NEK10: variants seen among roughly 807,000 people sequenced by gnomAD.
NEK10 encodes the protein NIMA related kinase 10.
A neutral mutation model predicts 159.8 loss-of-function variants in NEK10; 122 were observed. The ratio of observed to expected loss-of-function variants is 0.76; its 90% CI spans 0.66 to 0.89. The LOEUF (loss-of-function observed/expected upper bound fraction) is 0.89. NEK10 is among the 40% of genes least tolerant of loss of function. NEK10 has a pLI of 0.00. For synonymous variants in NEK10, 466 were observed against 457.1 expected, an observed-to-expected ratio of 1.02 and a Z score of -0.25; for missense variants, 1,342 against 1,323.1, an observed-to-expected ratio of 1.01 and a Z score of -0.22.
chr3:27,156,292 T>C (rs1945409383), intron 30 of NEK10, among the ~76,000 whole-genome samples: 2 of 151,970 alleles, frequency 1.3e-5, no homozygotes, highest in Admixed American at 6.6e-5. Context: ...AAAACAAAGA[T>C]AAATAGCAGG....
intron 26 of NEK10, among the ~76,000 whole-genome samples, chr3:27,180,727 T>C (rs1948002812): frequency 2.6e-5 from 4 of 152,152 alleles, no homozygotes; most frequent in African/African-American, 7.2e-5. Context: ...AACTGATTAA[T>C]TGCCAGTAGA....
At chr3:27,283,182 C>T (rs1004446466) in intron 22 of NEK10, among the ~76,000 whole-genome samples, 2 of 152,014 alleles carry the variant, frequency 1.3e-5, no homozygotes, top group Admixed American at 6.6e-5. Flanking sequence ...TTTGGAATTG[C>T]CTTCATGGGT....
chr3:27,186,005 G>A (rs570709195), intron 26 of NEK10, among the ~76,000 whole-genome samples: 1 of 152,322 alleles, frequency 6.6e-6, no homozygotes, highest in South Asian at 2.1e-4. Context: ...GTGAATTGAA[G>A]ATGTCAAGGT....
intron 30 of NEK10, among the ~76,000 whole-genome samples, chr3:27,147,952 TA>T (rs1944465048): frequency 6.6e-6 from 1 of 152,234 alleles, no homozygotes; most frequent in Non-Finnish European, 1.5e-5. Context: ...ATGCATTGAA[TA>T]AAACTCAGAC....
At chr3:27,189,277 T>C (rs1373030181) in intron 26 of NEK10, among the ~76,000 whole-genome samples, 1 of 152,080 alleles carries the variant, frequency 6.6e-6, no homozygotes, top group Admixed American at 6.6e-5. Flanking sequence ...CTATAAAAAT[T>C]GCCATAATTA....
Position 27,201,525 on chromosome 3 carries a change from G to T in NEK10, c.2276C>A (p.Thr759Lys), listed in dbSNP as rs1377391273. 9.3e-6 allele frequency: 15 copies of T among 1,613,756 alleles called. No individual in the cohort carries two copies. The highest frequency in any genetic ancestry group is 1.3e-5 in the Non-Finnish European group (15 of 1,179,852). Reference sequence around the variant, plus strand: ...GACTAATTACCTGCTGATGGTGTCTGTTACTTTTTCAGAGTAGATACCTTC... The same window carrying T: ...GACTAATTACCTGCTGATGGTGTCTTTTACTTTTTCAGAGTAGATACCTTC... The part of the protein sequence containing the change: ...VPEGIYSEKV[T>K]DTISRCLTPD... Residue 759 changes from threonine to lysine, a missense_variant, in exon 25 of 36, where the codon ACA (threonine) becomes AAA (lysine). By Grantham distance (78) the Thr-to-Lys change is moderately conservative (BLOSUM62 -1). Coordinates refer to ENST00000691995, the MANE Select transcript of NEK10 (RefSeq NM_001394966.1).
intron 30 of NEK10, among the ~76,000 whole-genome samples, chr3:27,155,853 A>G (rs13079261): frequency 0.05 from 7,612 of 152,248 alleles, 233 homozygotes; most frequent in Non-Finnish European, 0.06. Context: ...AGCAAAAAGA[A>G]CAAATCTGGA....
At chr3:27,359,201 C>A (rs60409970) in intron 1 of NEK10, among the ~76,000 whole-genome samples, 851 of 134,750 alleles carry the variant, frequency 6.3e-3, no homozygotes, top group Middle Eastern at 8.0e-3. Flanking sequence ...AACTCCATTT[C>A]AAAAAAAAAA....
chr3:27,328,715 G>T (rs553817100), intron 5 of NEK10, among the ~76,000 whole-genome samples: 14 of 152,170 alleles, frequency 9.2e-5, no homozygotes, highest in African/African-American at 3.4e-4. Flanking sequence ...AGGAGATCTT[G>T]AAAAAATCCT....
At chr3:27,308,838 T>C (rs2044449610) in intron 10 of NEK10, 88 bp downstream of exon 10, 5 of 561,884 alleles carry the variant, frequency 8.9e-6, no homozygotes, top group African/African-American at 1.9e-5. Context: ...TATTAAGTAG[T>C]TGACAAAGTA....
intron 23 of NEK10, among the ~76,000 whole-genome samples, chr3:27,227,698 C>G (rs1952779891): frequency 6.6e-6 from 1 of 152,166 alleles, no homozygotes; most frequent in African/African-American, 2.4e-5. Context: ...GTAAATATCA[C>G]TAAGTAGGTG....
chr3:27,161,526 T>C (rs1946010990), intron 30 of NEK10, among the ~76,000 whole-genome samples: 1 of 152,180 alleles, frequency 6.6e-6, no homozygotes, highest in Non-Finnish European at 1.5e-5. Flanking sequence ...AATTAACCAA[T>C]AGTAAAGTAG....
intron 1 of NEK10, among the ~76,000 whole-genome samples, chr3:27,356,940 T>TG (rs1186309985): frequency 6.6e-6 from 1 of 152,200 alleles, no homozygotes; most frequent in African/African-American, 2.4e-5. Flanking sequence ...CATGACACAG[T>TG]GTAAGCATGG....
chr3:27,196,285 C>G (rs1428916730), intron 25 of NEK10, among the ~76,000 whole-genome samples: 1 of 152,162 alleles, frequency 6.6e-6, no homozygotes, highest in Non-Finnish European at 1.5e-5. Flanking sequence ...ACACAGACCC[C>G]CTTAGAGTTG....
At chr3:27,209,225 A>T (rs1311389919) in intron 23 of NEK10, among the ~76,000 whole-genome samples, 1 of 152,230 alleles carries the variant, frequency 6.6e-6, no homozygotes, top group Non-Finnish European at 1.5e-5. Context: ...TTTATTCAAA[A>T]TTCAAATTTC....
intron 25 of NEK10, among the ~76,000 whole-genome samples, chr3:27,196,016 C>T (rs941725828): frequency 2.0e-5 from 3 of 152,088 alleles, no homozygotes; most frequent in Non-Finnish European, 4.4e-5. Flanking sequence ...TGTCTTATGC[C>T]CGATTTCTGC....
At chr3:27,240,545 A>T (rs1954430701) in intron 23 of NEK10, among the ~76,000 whole-genome samples, 1 of 152,214 alleles carries the variant, frequency 6.6e-6, no homozygotes, top group African/African-American at 2.4e-5. Context: ...AAAAAGAGAC[A>T]GTTGAGCAAC....
At chr3:27,156,730 G>A (rs1299537783) in intron 30 of NEK10, among the ~76,000 whole-genome samples, 1 of 151,444 alleles carries the variant, frequency 6.6e-6, no homozygotes, top group Admixed American at 6.6e-5. Context: ...AATCACTATG[G>A]AAAATAGTGT....
At chr3:27,162,839 G>C in intron 29 of NEK10, 101 bp from the exon 30 acceptor site, 3 of 1,501,990 alleles carry the variant, frequency 2.0e-6, no homozygotes, top group Non-Finnish European at 2.7e-6. Context: ...AAGATTAATA[G>C]AGATTATTTT....
Sources: allele counts gnomAD v4.1 joint callset (sites outside exome capture counted in the v4.1 genomes callset), GRCh38; gene constraint gnomAD v4.1.1; transcripts MANE v1.5; gene names NCBI Gene and HGNC (gene_info 2026-07-23, HGNC 2026-07-21).